Variants in NARS2 observed in about 807,000 individuals in gnomAD.
NARS2 encodes asparaginyl-tRNA synthetase 2, mitochondrial.
A neutral mutation model predicts 62.9 loss-of-function variants in NARS2; 60 were observed. The ratio of observed to expected loss-of-function variants is 0.95; its 90% CI spans 0.77 to 1.18. The LOEUF (loss-of-function observed/expected upper bound fraction) is 1.18, where lower values mean the gene tolerates loss of function less well. Ranked by LOEUF, NARS2 falls within the 50% of genes most tolerant of loss-of-function variation. NARS2 has a pLI of 0.00. For missense variants in NARS2, 619 were observed against 576.4 expected, an observed-to-expected ratio of 1.07 and a Z score of -0.76; for synonymous variants, 196 against 200.0, an observed-to-expected ratio of 0.98 and a Z score of 0.17.
intron 11 of NARS2, among the ~76,000 whole-genome samples, chr11:78,463,713 CAAAA>C (rs10649252): frequency 2.1e-4 from 10 of 47,990 alleles, no homozygotes; most frequent in African/African-American, 7.2e-4. Flanking sequence ...TAGTTAAGGT[CAAAA>C]AAAAAAAAAA....
intron 6 of NARS2, among the ~76,000 whole-genome samples, chr11:78,510,299 C>A (rs1242316415): frequency 6.6e-6 from 1 of 151,832 alleles, no homozygotes; most frequent in Non-Finnish European, 1.5e-5. Context: ...ATTTTCCATG[C>A]AAATAGGAGA....
At chr11:78,482,991 T>C (rs879423070) in intron 7 of NARS2, among the ~76,000 whole-genome samples, 2 of 152,126 alleles carry the variant, frequency 1.3e-5, no homozygotes, top group African/African-American at 2.4e-5. Context: ...AAATCCTTAA[T>C]ATAATACTGG....
intron 7 of NARS2, among the ~76,000 whole-genome samples, chr11:78,488,792 T>C (rs1467680285): frequency 6.6e-6 from 1 of 152,106 alleles, no homozygotes; most frequent in Non-Finnish European, 1.5e-5. Flanking sequence ...AATAGATCCA[T>C]ATATATATGA....
Position 78,563,873 on chromosome 11 carries a change from T to TACACACACAC in NARS2, c.513+2249_513+2258dup, listed in dbSNP as rs71046984. ...AAAAATATATATATATATATATGTA[T>TACACACACAC]ACACACACACAGTATTATTATTATT... On this transcript the variant is annotated intron_variant, in intron 4 of 13. Coordinates refer to ENST00000281038, the MANE Select transcript of NARS2 (RefSeq NM_024678.6). Among the ~76,000 whole-genome samples the TACACACACAC allele has an allele frequency of 3.1e-5, 3 of 96,334 alleles. No homozygotes were observed. The Admixed American group carries it at 4.3e-4, about 14-fold the overall frequency. 63.2% of individuals were successfully genotyped at this position (96,334 alleles called of 152,430 possible).
chr11:78,455,424 A>C (rs1184261148), intron 11 of NARS2, among the ~76,000 whole-genome samples: 3 of 152,220 alleles, frequency 2.0e-5, no homozygotes, highest in Non-Finnish European at 4.4e-5. Flanking sequence ...GTACACAAAT[A>C]ACTAGTATAC....
At chr11:78,510,850 A>G (rs780355531) in intron 6 of NARS2, among the ~76,000 whole-genome samples, 46 of 151,930 alleles carry the variant, frequency 3.0e-4, no homozygotes, top group Non-Finnish European at 6.2e-4. Flanking sequence ...GAAAGGAACA[A>G]ACTACTGGAT....
At chr11:78,448,177 T>A (rs962131003) in intron 11 of NARS2, among the ~76,000 whole-genome samples, 9 of 152,094 alleles carry the variant, frequency 5.9e-5, no homozygotes, top group African/African-American at 2.2e-4. Context: ...ATGTTGCATA[T>A]ACTTATTATA....
chr11:78,475,943 T>C (rs1056194882), intron 9 of NARS2, among the ~76,000 whole-genome samples: 8 of 152,166 alleles, frequency 5.3e-5, no homozygotes, highest in African/African-American at 1.9e-4. Context: ...TGAGTGGTTA[T>C]CTCAGTGCGG....
intron 6 of NARS2, among the ~76,000 whole-genome samples, chr11:78,499,943 A>C (rs1024456475): frequency 1.3e-5 from 2 of 152,244 alleles, no homozygotes; most frequent in Non-Finnish European, 2.9e-5. Context: ...TCGTGTCGAA[A>C]TTATCCCTCT....
At chr11:78,487,457 C>A (rs1859630686) in intron 7 of NARS2, among the ~76,000 whole-genome samples, 1 of 151,298 alleles carries the variant, frequency 6.6e-6, no homozygotes, top group African/African-American at 2.4e-5. Flanking sequence ...CATCACAGCA[C>A]CATGGGACAA....
intron 13 of NARS2, among the ~76,000 whole-genome samples, chr11:78,437,803 C>T (rs2135126960): frequency 6.6e-6 from 1 of 151,850 alleles, no homozygotes. Context: ...GGTGATACCC[C>T]GTCTCTACTA....
chr11:78,468,324 A>G (rs1160776550), intron 10 of NARS2, among the ~76,000 whole-genome samples: 12 of 149,270 alleles, frequency 8.0e-5, no homozygotes, highest in Admixed American at 4.0e-4. Context: ...AAAAAAAAAA[A>G]AAAAGAAAAA....
intron 6 of NARS2, among the ~76,000 whole-genome samples, chr11:78,525,541 AAATATAC>A (rs1861265642): frequency 3.3e-5 from 5 of 152,138 alleles, no homozygotes. Flanking sequence ...CCAAACTATG[AAATATAC>A]AAGTCTATTA....
At chr11:78,540,021 A>C (rs778124138) in intron 5 of NARS2, among the ~76,000 whole-genome samples, 1 of 152,222 alleles carries the variant, frequency 6.6e-6, no homozygotes, top group Non-Finnish European at 1.5e-5. Flanking sequence ...CTCCCATCCT[A>C]AACAGTCCAT....
At chr11:78,571,533 T>C (rs930138413) in intron 1 of NARS2, 89 bp from the exon 2 acceptor site, 65 of 830,624 alleles carry the variant, frequency 7.8e-5, no homozygotes, top group Middle Eastern at 6.8e-4. Context: ...AAGTAAAACA[T>C]GTACTCACAA....
chr11:78,537,476 G>C (rs1209442878), intron 5 of NARS2, among the ~76,000 whole-genome samples: 1 of 152,146 alleles, frequency 6.6e-6, no homozygotes, highest in African/African-American at 2.4e-5. Context: ...AATGTGTCTA[G>C]AAGTTTCAGA....
At chr11:78,536,615 CGT>C (rs1855355608) in intron 5 of NARS2, among the ~76,000 whole-genome samples, 1 of 151,206 alleles carries the variant, frequency 6.6e-6, no homozygotes, top group South Asian at 2.1e-4. Context: ...ACTCATACAA[CGT>C]GTTTTAAGTA....
intron 6 of NARS2, among the ~76,000 whole-genome samples, chr11:78,524,428 A>G (rs1195189311): frequency 6.6e-6 from 1 of 152,132 alleles, no homozygotes; most frequent in Non-Finnish European, 1.5e-5. Context: ...TTTAACCTAA[A>G]ATATGCTTGA....
chr11:78,545,444 T>C (rs943124531), intron 5 of NARS2, among the ~76,000 whole-genome samples: 22 of 152,284 alleles, frequency 1.4e-4, no homozygotes, highest in Non-Finnish European at 2.8e-4. Context: ...AGAATCTTTG[T>C]ACTTGCTGTT....
Sources: allele counts gnomAD v4.1 joint callset (sites outside exome capture counted in the v4.1 genomes callset), GRCh38; gene constraint gnomAD v4.1.1; transcripts MANE v1.5; gene names NCBI Gene and HGNC (gene_info 2026-07-23, HGNC 2026-07-21).